PDE4D: variants seen among roughly 807,000 people sequenced by gnomAD.
PDE4D encodes the protein phosphodiesterase 4D.
A neutral mutation model predicts 87.4 loss-of-function variants in PDE4D; 24 were observed. The observed-to-expected ratio is 0.27, with a 90% confidence interval of 0.20 to 0.39. The LOEUF is 0.39. Among genes scored for constraint, PDE4D ranks in the 10% least tolerant of loss-of-function variants. The pLI is 1.00. For synonymous variants in PDE4D, 384 were observed against 383.2 expected, an observed-to-expected ratio of 1.00 and a Z score of -0.02; for missense variants, 714 against 1,041.0, an observed-to-expected ratio of 0.69 and a Z score of 4.32.
At chr5:59,728,881 C>A (rs2150592002) in intron 1 of PDE4D, among the ~76,000 whole-genome samples, 1 of 152,080 alleles carries the variant, frequency 6.6e-6, no homozygotes, top group South Asian at 2.1e-4. Context: ...TATGTTATTT[C>A]ATATAAATGT....
In PDE4D at chr5:59,893,688, T is replaced by G. The variant is rs1277477650; in HGVS notation, c.-66A>C. On this transcript the variant is annotated 5_prime_UTR_variant, in exon 1 of 15. Transcript: ENST00000340635. ...CACCGCGCTGGCCCGAGCGCCTTCC[T>G]GATGCTGCTGCTGCTGCTGCCGCCG... 18 of 1,393,756 alleles carry G rather than the reference T, an allele frequency of 1.3e-5. No individual in the cohort carries two copies. Among genetic ancestry groups the G allele is most frequent in the Non-Finnish European group, 1.7e-5 (18 of 1,085,062 alleles). 86.3% of individuals were successfully genotyped at this position (1,393,756 alleles called of 1,614,324 possible).
At chr5:60,410,343 C>A (rs1182143786) in intron 1 of PDE4D, among the ~76,000 whole-genome samples, 1 of 152,012 alleles carries the variant, frequency 6.6e-6, no homozygotes, top group East Asian at 1.9e-4. Flanking sequence ...AGCCCCTCCC[C>A]TCCCCTACAT....
chr5:59,144,831 G>A (rs1382950777), intron 5 of PDE4D, among the ~76,000 whole-genome samples: 2 of 120,962 alleles, frequency 1.7e-5, no homozygotes, highest in East Asian at 2.9e-4. Context: ...GTTATAACTC[G>A]AATACACAGG....
intron 1 of PDE4D, among the ~76,000 whole-genome samples, chr5:60,345,398 T>A (rs914238536): frequency 2.0e-5 from 3 of 151,884 alleles, no homozygotes; most frequent in African/African-American, 7.3e-5. Flanking sequence ...TATACATATG[T>A]AACAAACCTG....
intron 2 of PDE4D, among the ~76,000 whole-genome samples, chr5:59,202,820 A>G (rs927254796): frequency 1.3e-5 from 2 of 152,160 alleles, no homozygotes; most frequent in Non-Finnish European, 2.9e-5. Flanking sequence ...AGCCACGTGG[A>G]ACTCTGAGTC....
chr5:59,681,541 C>G (rs6450525), intron 1 of PDE4D, among the ~76,000 whole-genome samples: 2 of 152,046 alleles, frequency 1.3e-5, no homozygotes, highest in Non-Finnish European at 2.9e-5. Flanking sequence ...ATGATTAGAT[C>G]ATGAGAGCAT....
At chr5:59,749,279 G>A (rs1760081968) in intron 1 of PDE4D, among the ~76,000 whole-genome samples, 1 of 151,842 alleles carries the variant, frequency 6.6e-6, no homozygotes. Flanking sequence ...CTTTGTTTTT[G>A]AGACAGAGTC....
chr5:59,459,245 A>C (rs1800381277), intron 1 of PDE4D, among the ~76,000 whole-genome samples: 1 of 152,144 alleles, frequency 6.6e-6, no homozygotes, highest in East Asian at 1.9e-4. Flanking sequence ...GTACTGAAAA[A>C]ACCAGGTTAA....
chr5:59,147,920 A>T (rs1039760179), intron 5 of PDE4D, among the ~76,000 whole-genome samples: 2 of 152,208 alleles, frequency 1.3e-5, no homozygotes, highest in African/African-American at 4.8e-5. Flanking sequence ...CTTTCAATGA[A>T]GATAACCAGT....
chr5:59,599,250 G>A (rs1410586802), intron 1 of PDE4D, among the ~76,000 whole-genome samples: 1 of 59,164 alleles, frequency 1.7e-5, no homozygotes, highest in African/African-American at 6.8e-5. Context: ...TTTTTTTTTT[G>A]AGCTCTTGTT....
intron 1 of PDE4D, among the ~76,000 whole-genome samples, chr5:59,750,345 A>C (rs115833757): frequency 6.6e-6 from 1 of 152,196 alleles, no homozygotes; most frequent in African/African-American, 2.4e-5. Flanking sequence ...CCAAGTCTTT[A>C]CTACAGGCTC....
chr5:60,336,343 GT>G (rs1180816496), intron 1 of PDE4D, among the ~76,000 whole-genome samples: 4 of 152,186 alleles, frequency 2.6e-5, no homozygotes, highest in African/African-American at 9.7e-5. Context: ...GAATTTTACT[GT>G]AAATATGTGT....
intron 1 of PDE4D, among the ~76,000 whole-genome samples, chr5:59,699,520 T>G (rs995352348): frequency 6.6e-5 from 10 of 152,258 alleles, no homozygotes; most frequent in South Asian, 6.2e-4. Flanking sequence ...AAATTAAGAA[T>G]GCAGGCTTTG....
chr5:59,298,968 T>C (rs72767706), intron 1 of PDE4D, among the ~76,000 whole-genome samples: 12,920 of 152,232 alleles, frequency 0.085, 761 homozygotes, highest in Non-Finnish European at 0.12. Flanking sequence ...GTTTAAATTT[T>C]CCAAACACAC....
At chr5:59,321,015 C>T (rs1360435545) in intron 1 of PDE4D, among the ~76,000 whole-genome samples, 2 of 152,110 alleles carry the variant, frequency 1.3e-5, no homozygotes, top group Non-Finnish European at 2.9e-5. Context: ...AAAGACCCAT[C>T]CTTGGAGAAA....
intron 6 of PDE4D, among the ~76,000 whole-genome samples, chr5:59,005,354 G>A (rs147215587): frequency 2.0e-5 from 3 of 152,240 alleles, no homozygotes; most frequent in Admixed American, 2.0e-4. Flanking sequence ...CTAATTTGCT[G>A]CAATAAGGGA....
At chr5:59,752,836 A>G (rs1339243287) in intron 1 of PDE4D, among the ~76,000 whole-genome samples, 1 of 152,130 alleles carries the variant, frequency 6.6e-6, no homozygotes, top group Non-Finnish European at 1.5e-5. Flanking sequence ...GGACACAATA[A>G]CACATAGGGT....
intron 5 of PDE4D, among the ~76,000 whole-genome samples, chr5:59,137,578 G>A (rs916958004): frequency 6.6e-6 from 1 of 150,472 alleles, no homozygotes. Flanking sequence ...CCAGGCTGGA[G>A]TGCAGTGGCG....
upstream of PDE4D, among the ~76,000 whole-genome samples, chr5:59,894,184 C>T (rs1428007686): frequency 6.6e-6 from 1 of 152,122 alleles, no homozygotes; most frequent in Non-Finnish European, 1.5e-5. Flanking sequence ...CCTCGCCGTG[C>T]CCGCGCCTCC....
Sources: gnomAD v4.1 joint callset for allele counts (sites outside exome capture counted in the v4.1 genomes callset) on GRCh38, gnomAD v4.1.1 for gene constraint, MANE v1.5 for transcripts, NCBI Gene and HGNC (gene_info 2026-07-23, HGNC 2026-07-21) for gene names.